HELZ: variants seen among roughly 807,000 people sequenced by gnomAD.
HELZ encodes the protein helicase with zinc finger.
Under a neutral mutation model 218.2 loss-of-function variants are expected in HELZ, and 23 were observed. That is an observed-to-expected ratio of 0.11 (90% CI 0.08 to 0.15). HELZ has a LOEUF of 0.15. Among genes scored for constraint, HELZ ranks in the 10% least tolerant of loss-of-function variants. The pLI is 1.00. For synonymous variants in HELZ, 814 were observed against 829.4 expected, an observed-to-expected ratio of 0.98 and a Z score of 0.32; for missense variants, 1,813 against 2,353.7, an observed-to-expected ratio of 0.77 and a Z score of 4.75.
At chr17:67,156,837 T>C (rs1337596729) in intron 17 of HELZ, among the ~76,000 whole-genome samples, 2 of 152,148 alleles carry the variant, frequency 1.3e-5, no homozygotes, top group African/African-American at 4.8e-5. Context: ...AAATTACTCA[T>C]TTATATAGTA....
chr17:67,126,094 G>T (rs2037786248), intron 24 of HELZ, among the ~76,000 whole-genome samples: 1 of 152,154 alleles, frequency 6.6e-6, no homozygotes. Context: ...GAGCTTCCAG[G>T]TAAGGGCCCA....
Position 67,108,427 on chromosome 17 carries a change from A to T in HELZ, c.4724+65T>A. ...ATTCCAGCTTGAAGCTAAAAGGACT[A>T]CAGTCAAAAAAGAGAACAGTGAGGG... On this transcript the variant is annotated intron_variant, in intron 30 of 32. Coordinates refer to ENST00000358691, the MANE Select transcript of HELZ (RefSeq NM_014877.4). The surrounding 1 kb of genome is among the most constrained non-coding windows in gnomAD (Gnocchi z 4.1). The T allele has an allele frequency of 8.2e-7, 1 of 1,225,790 alleles. No individual in the cohort carries two copies. The highest frequency in any genetic ancestry group is 1.2e-6 in the Non-Finnish European group (1 of 839,696). 75.9% of individuals were successfully genotyped at this position (1,225,790 alleles called of 1,614,324 possible). A position where few individuals can be genotyped will look rare whatever the true frequency, so the allele number is the denominator to read the frequency against.
At chr17:67,150,184 G>A (rs2038639199) in intron 18 of HELZ, 199 bp from the exon 19 acceptor site, 1 of 366,420 alleles carries the variant, frequency 2.7e-6, no homozygotes, top group South Asian at 3.2e-5. Context: ...CTCCCAGGCT[G>A]GAGTGCAGTG....
At chr17:67,243,589 G>A (rs1381531811) in intron 2 of HELZ, among the ~76,000 whole-genome samples, 195 bp downstream of exon 2, 2 of 152,126 alleles carry the variant, frequency 1.3e-5, no homozygotes. Flanking sequence ...GAGTATGTTG[G>A]AGCAACTGAA....
At chr17:67,117,859 T>A (rs979919503) in intron 27 of HELZ, among the ~76,000 whole-genome samples, 1 of 152,110 alleles carries the variant, frequency 6.6e-6, no homozygotes, top group East Asian at 1.9e-4. Context: ...CCTGAAAACT[T>A]TTTTTAATGC....
Position 67,113,506 on chromosome 17 carries a change from C to T in HELZ, c.3918+818G>A, listed in dbSNP as rs550243497. 5.3e-5 allele frequency among the ~76,000 whole-genome samples: 8 copies of T among 152,256 alleles called. No individual in the cohort carries two copies. In the East Asian group the frequency reaches 5.8e-4, roughly 11 times the overall value. The stretch of plus-strand genomic sequence containing the variant: ...CAATCTCCTGATCTCATGATCCACC[C>T]GCCTTGGCCTCTCAAAGTGCTGGGA... On this transcript the variant is annotated intron_variant, in intron 28 of 32. Transcript: ENST00000358691.
chr17:67,076,772 G>A lies in HELZ; in HGVS notation c.*1480C>T, dbSNP rs1018296603. 1 of 152,100 alleles carries A rather than the reference G, an allele frequency of 6.6e-6. No individual in the cohort carries two copies. The highest frequency in any genetic ancestry group is 2.4e-5 in the African/African-American group (1 of 41,410). The allele number at this position is 152,100 out of a possible 1,614,324, so 9.4% of individuals were successfully genotyped here. On this transcript the variant is annotated 3_prime_UTR_variant, in exon 33 of 33. Coordinates refer to ENST00000358691, the MANE Select transcript of HELZ (RefSeq NM_014877.4). ...TACTTTGATTATAGGATTGCCTATCGAAAGTGGTCTTCCAAAAACCTGTTT... is the reference window on the plus strand; with the variant it reads ...TACTTTGATTATAGGATTGCCTATCAAAAGTGGTCTTCCAAAAACCTGTTT...
intron 4 of HELZ, among the ~76,000 whole-genome samples, chr17:67,217,871 C>T (rs928043639): frequency 5.9e-5 from 9 of 151,564 alleles, no homozygotes; most frequent in South Asian, 4.2e-4. Context: ...TTTTTTCATG[C>T]GGTTACTACC....
chr17:67,170,159 G>A (rs559702382), intron 13 of HELZ, among the ~76,000 whole-genome samples: 1 of 152,198 alleles, frequency 6.6e-6, no homozygotes, highest in South Asian at 2.1e-4. Context: ...GCATAATGCT[G>A]ACCCTTCAGT....
chr17:67,190,477 T>A, intron 9 of HELZ, 122 bp from the exon 10 acceptor site: 1 of 698,916 alleles, frequency 1.4e-6, no homozygotes, highest in Admixed American at 2.5e-5. Context: ...AAAGGCCATA[T>A]TTATCGTACT....
Position 67,136,025 on chromosome 17 carries a change from A to G in HELZ, c.3127T>C (p.Ser1043Pro). 1 of 1,613,952 alleles carries G rather than the reference A, an allele frequency of 6.2e-7. No individual in the cohort carries two copies. The highest frequency in any genetic ancestry group is 8.5e-7 in the Non-Finnish European group (1 of 1,179,922). The change falls in exon 23 of 33, where the codon TCC (serine) becomes CCC (proline). Residue 1043 changes from serine (S) to proline (P), a missense_variant. Transcript: ENST00000358691. ...GGATCACCCACCACAGCAACCAGGG[A>G]TTGTGCTCTTGTGATGGCAGTATTG... ...LLNTAITRAQ[S>P]LVAVVGDPIA...
intron 26 of HELZ, among the ~76,000 whole-genome samples, 175 bp downstream of exon 26, chr17:67,122,795 T>C (rs1323587147): frequency 6.6e-6 from 1 of 152,200 alleles, no homozygotes; most frequent in Non-Finnish European, 1.5e-5. Flanking sequence ...TAACAAATTG[T>C]AAGCAACAAT....
At chr17:67,234,204 TCC>T (rs1182900303) in intron 3 of HELZ, among the ~76,000 whole-genome samples, 5 of 143,350 alleles carry the variant, frequency 3.5e-5, no homozygotes, top group Admixed American at 7.4e-5. Context: ...GTGCCTCTAA[TCC>T]CAGCTACTAG....
chr17:67,089,668 T>TATATATATATATAGAGAGAGAGAG (rs71293575), intron 31 of HELZ, among the ~76,000 whole-genome samples: 4 of 70,644 alleles, frequency 5.7e-5, no homozygotes, highest in Non-Finnish European at 7.8e-5. Flanking sequence ...TATATATATA[T>TATATATATATATAGAGAGAGAGAG]AGAGAGAGAG....
chr17:67,160,956 T>C lies in HELZ; in HGVS notation c.2016A>G (p.Thr672=). 1 of 1,613,626 alleles carries C rather than the reference T, an allele frequency of 6.2e-7. No homozygotes were observed. Among genetic ancestry groups the C allele is most frequent in the Non-Finnish European group, 8.5e-7 (1 of 1,179,730 alleles). The change falls in exon 16 of 33, where the codon ACA becomes ACG. Residue 672 remains threonine (T), a synonymous_variant. Transcript: ENST00000358691. ...CCTGAGCTAGAGTGAACGTTTTGCC[T>C]GTCCCATAGGGTCCGATGATAAGCA... ...PPVLIIGPYG[T]GKTFTLAQAV...
chr17:67,234,331 A>C (rs1234065604), intron 3 of HELZ, among the ~76,000 whole-genome samples: 11 of 150,708 alleles, frequency 7.3e-5, no homozygotes, highest in African/African-American at 2.7e-4. Flanking sequence ...AAAAAAAAAA[A>C]CACAGAGATA....
intron 13 of HELZ, among the ~76,000 whole-genome samples, chr17:67,168,868 G>A (rs1222138351): frequency 6.6e-6 from 1 of 152,162 alleles, no homozygotes; most frequent in Non-Finnish European, 1.5e-5. Context: ...AAGGCGGGCA[G>A]ATCACCTGAG....
At chr17:67,236,667 A>G (rs1378228611) in intron 3 of HELZ, among the ~76,000 whole-genome samples, 2 of 152,232 alleles carry the variant, frequency 1.3e-5, no homozygotes, top group Non-Finnish European at 2.9e-5. Context: ...ATAATGTATC[A>G]TAATTTAAAA....
chr17:67,109,810 A>T (rs774283941), intron 28 of HELZ, 124 bp from the exon 29 acceptor site: 14 of 637,366 alleles, frequency 2.2e-5, no homozygotes, highest in Non-Finnish European at 3.3e-5. Flanking sequence ...AGGAGAGCTG[A>T]GTGCTCAATT....
Sources: allele counts gnomAD v4.1 joint callset (sites outside exome capture counted in the v4.1 genomes callset), GRCh38; gene constraint gnomAD v4.1.1; non-coding constraint Gnocchi (gnomAD v3.1); transcripts MANE v1.5; gene names NCBI Gene and HGNC (gene_info 2026-07-23, HGNC 2026-07-21).